PDXDC1: variants seen among roughly 807,000 people sequenced by gnomAD.
PDXDC1 encodes pyridoxal-dependent decarboxylase domain-containing protein 1.
A neutral mutation model predicts 100.1 loss-of-function variants in PDXDC1; 42 were observed. The ratio of observed to expected loss-of-function variants is 0.42; its 90% confidence interval spans 0.33 to 0.54. The LOEUF (loss-of-function observed/expected upper bound fraction) is 0.54. Among genes scored for constraint, PDXDC1 ranks in the 20% least tolerant of loss-of-function variants. The pLI, the probability that PDXDC1 is intolerant of heterozygous loss-of-function variation, is 0.10. For synonymous variants in PDXDC1, 260 were observed against 371.7 expected (o/e 0.70, Z 3.46); for missense variants, 636 against 979.2 (o/e 0.65, Z 4.68).
At chr16:15,077,778 T>A (rs1266934884) in intron 16 of PDXDC1, among the ~76,000 whole-genome samples, 1 of 152,058 alleles carries the variant, frequency 6.6e-6, no homozygotes, top group Non-Finnish European at 1.5e-5. Context: ...GAGGTGGAGG[T>A]TGCAGTGAGC....
downstream of PDXDC1, among the ~76,000 whole-genome samples, chr16:15,143,756 G>C (rs368524671): frequency 6.6e-6 from 1 of 152,224 alleles, no homozygotes; most frequent in African/African-American, 2.4e-5. Flanking sequence ...CCACAACAGA[G>C]GGAATGGCCC....
chr16:15,133,836 G>T, intron 16 of PDXDC1: 1 of 1,578,420 alleles, frequency 6.3e-7, no homozygotes, highest in East Asian at 2.3e-5. Flanking sequence ...GGCGTGCACA[G>T]CGCCCAGTGG....
At chr16:15,055,810 G>T in intron 16 of PDXDC1, 4 of 744,836 alleles carry the variant, frequency 5.4e-6, no homozygotes, top group Non-Finnish European at 7.4e-6. Context: ...TTTCAAGTCT[G>T]TGTCGCGTGA....
chr16:15,046,817 G>A (rs1245060837), intron 16 of PDXDC1, among the ~76,000 whole-genome samples: 1 of 151,280 alleles, frequency 6.6e-6, no homozygotes, highest in Admixed American at 6.6e-5. Context: ...CAAGGCTGCA[G>A]TAAGCTGAGA....
At chr16:15,130,053 T>C (rs753719950) in intron 16 of PDXDC1, 35 of 1,370,008 alleles carry the variant, frequency 2.6e-5, no homozygotes, top group South Asian at 2.5e-4. Context: ...AGCATGACGA[T>C]GTAGTTTACA....
intron 16 of PDXDC1, chr16:15,055,994 G>A (rs2151741139): frequency 8.4e-7 from 1 of 1,188,166 alleles, no homozygotes; most frequent in Non-Finnish European, 1.0e-6. Flanking sequence ...CGCCCAGGCA[G>A]GCCCAGGGAG....
intron 16 of PDXDC1, chr16:15,094,040 T>C: frequency 9.9e-7 from 1 of 1,013,106 alleles, no homozygotes; most frequent in Non-Finnish European, 1.5e-6. Flanking sequence ...CCCGTGCTCC[T>C]ATCACACGCC....
intron 16 of PDXDC1, chr16:15,093,945 T>C (rs571074887): frequency 3.0e-5 from 18 of 603,896 alleles, no homozygotes; most frequent in South Asian, 1.2e-4. Context: ...ACAGAGAACA[T>C]AGTCACTTTT....
intron 16 of PDXDC1, among the ~76,000 whole-genome samples, chr16:15,105,164 A>G (rs1214634906): frequency 8.1e-6 from 1 of 123,470 alleles, no homozygotes; most frequent in Non-Finnish European, 1.7e-5. Context: ...AGTAAGAGAC[A>G]GTAAGAGAGG....
At chr16:15,128,847 C>G (rs1207985182) in intron 16 of PDXDC1, among the ~76,000 whole-genome samples, 1 of 150,398 alleles carries the variant, frequency 6.6e-6, no homozygotes, top group Non-Finnish European at 1.5e-5. Context: ...GCTGTGTCAC[C>G]CAGGCTGGAG....
chr16:15,087,917 T>C (rs1371029888), intron 16 of PDXDC1, among the ~76,000 whole-genome samples: 2 of 151,826 alleles, frequency 1.3e-5, no homozygotes, highest in African/African-American at 2.4e-5. Flanking sequence ...GAGTTCGAGA[T>C]GAGCCTAACC....
chr16:15,126,322 C>T (rs1401972556), intron 16 of PDXDC1, among the ~76,000 whole-genome samples: 13 of 111,214 alleles, frequency 1.2e-4, no homozygotes, highest in Non-Finnish European at 2.4e-4. Context: ...CAGGTGTGAG[C>T]CACCACACCC....
intron 1 of PDXDC1, among the ~76,000 whole-genome samples, chr16:14,990,831 C>T (rs1467014450): frequency 4.6e-5 from 7 of 152,290 alleles, no homozygotes; most frequent in Non-Finnish European, 1.0e-4. Context: ...GCCTCCGCCT[C>T]CTGGGTTCAA....
chr16:15,081,796 T>G (rs1278305737), intron 16 of PDXDC1, among the ~76,000 whole-genome samples: 1 of 152,188 alleles, frequency 6.6e-6, no homozygotes, highest in Admixed American at 6.5e-5. Flanking sequence ...AGTTTTACAG[T>G]TTTTACTCTT....
At chr16:15,081,004 TATA>T (rs2045680611) in intron 16 of PDXDC1, among the ~76,000 whole-genome samples, 1 of 152,208 alleles carries the variant, frequency 6.6e-6, no homozygotes, top group Admixed American at 6.5e-5. Context: ...AATGGAGTCA[TATA>T]ATACACAGTC....
At chr16:15,146,616 T>C in the PDXDC1 span, among the ~76,000 whole-genome samples, 1 of 152,122 alleles carries the variant, frequency 6.6e-6, no homozygotes, top group Non-Finnish European at 1.5e-5. Context: ...GGCTGGGTGC[T>C]GAGGGGTCCA....
intron 1 of PDXDC1, among the ~76,000 whole-genome samples, chr16:14,978,975 C>G (rs1242234624): frequency 2.0e-5 from 3 of 152,272 alleles, no homozygotes. Flanking sequence ...CTCCCTACAC[C>G]CAGTTGTAAC....
intron 16 of PDXDC1, among the ~76,000 whole-genome samples, chr16:15,089,503 C>T (rs938874169): frequency 3.9e-5 from 6 of 151,952 alleles, no homozygotes; most frequent in African/African-American, 1.4e-4. Flanking sequence ...GAAATACTAG[C>T]GATTAAAGGA....
chr16:15,093,397 C>A (rs1680997605), intron 16 of PDXDC1, among the ~76,000 whole-genome samples: 1 of 152,196 alleles, frequency 6.6e-6, no homozygotes, highest in Non-Finnish European at 1.5e-5. Context: ...CTCCCTCCCC[C>A]ATTACCTTGT....
Sources: allele counts gnomAD v4.1 joint callset (sites outside exome capture counted in the v4.1 genomes callset), GRCh38; gene constraint gnomAD v4.1.1; transcripts MANE v1.5; gene names NCBI Gene and HGNC (gene_info 2026-07-23, HGNC 2026-07-21).